Variants in STX8 observed in about 807,000 individuals in gnomAD.
STX8 encodes the protein syntaxin-8.
Under a neutral mutation model 37.5 loss-of-function variants are expected in STX8, and 23 were observed. The ratio of observed to expected loss-of-function variants is 0.61; its 90% CI spans 0.44 to 0.87. The LOEUF is 0.87. Ranked by LOEUF, STX8 falls within the 40% of genes least tolerant of loss-of-function variation. STX8 has a pLI of 0.00. For synonymous variants in STX8, 115 were observed against 99.1 expected, an observed-to-expected ratio of 1.16 and a Z score of -0.95; for missense variants, 313 against 284.7, an observed-to-expected ratio of 1.10 and a Z score of -0.71.
intron 6 of STX8, among the ~76,000 whole-genome samples, chr17:9,392,771 A>G (rs1241639101): frequency 6.6e-6 from 1 of 152,250 alleles, no homozygotes; most frequent in Non-Finnish European, 1.5e-5. Flanking sequence ...GATGGGATCA[A>G]TAGCAGAATG....
intron 5 of STX8, among the ~76,000 whole-genome samples, chr17:9,492,479 T>C (rs1702709790): frequency 6.6e-6 from 1 of 152,228 alleles, no homozygotes; most frequent in Admixed American, 6.5e-5. Flanking sequence ...TTCTCAAGTG[T>C]AGACTGTGCC....
chr17:9,511,931 G>A (rs763399346), intron 4 of STX8, among the ~76,000 whole-genome samples: 54 of 152,014 alleles, frequency 3.6e-4, no homozygotes, highest in Non-Finnish European at 7.1e-4. Context: ...TCAGTAAGTG[G>A]TGTTTCTATA....
In STX8 at chr17:9,357,054, G is replaced by A. The variant is rs576493381; in HGVS notation, c.643+21498C>T. Reference sequence around the variant, plus strand: ...ATGATCTCAACTCACTGCAACCTCCGCCTCCCAGGTTCAAGCAATTCTCCT... The same window carrying A: ...ATGATCTCAACTCACTGCAACCTCCACCTCCCAGGTTCAAGCAATTCTCCT... On this transcript the variant is annotated intron_variant, in intron 7 of 7. Transcript: ENST00000306357. Among the ~76,000 whole-genome samples, 4 of 126,630 alleles carry A rather than the reference G, an allele frequency of 3.2e-5. No homozygotes were observed. In the East Asian group the frequency reaches 1.1e-3, roughly 36 times the overall value. 83.1% of individuals were successfully genotyped at this position (126,630 alleles called of 152,430 possible).
intron 7 of STX8, among the ~76,000 whole-genome samples, chr17:9,358,284 G>A (rs1442146887): frequency 6.6e-6 from 1 of 152,134 alleles, no homozygotes; most frequent in Non-Finnish European, 1.5e-5. Context: ...TGATCCTCCT[G>A]ATAGCTTAGC....
chr17:9,404,188 C>T (rs1233415951), intron 6 of STX8, among the ~76,000 whole-genome samples: 1 of 151,882 alleles, frequency 6.6e-6, no homozygotes, highest in Non-Finnish European at 1.5e-5. Flanking sequence ...GTTATCTTCA[C>T]ATTGAGTAGG....
rs530553016 is a variant in STX8 at position 9,414,236 on chromosome 17, T to C, written c.542-35583A>G. On this transcript the variant is annotated intron_variant, in intron 6 of 7. Coordinates refer to ENST00000306357, the MANE Select transcript of STX8 (RefSeq NM_004853.3). ...GTGAAGGTAAGTGGTAGCTACAGAA[T>C]TTCCCTAAGAAAGGCACAGAGCATC... Among the ~76,000 whole-genome samples the C allele has an allele frequency of 1.5e-3, 228 of 150,932 alleles. 1 individual carries two copies. The highest frequency in any genetic ancestry group is 4.8e-3 in the African/African-American group (199 of 41,056).
chr17:9,526,153 T>C (rs1188926079), intron 4 of STX8, among the ~76,000 whole-genome samples: 5 of 137,172 alleles, frequency 3.6e-5, no homozygotes, highest in Non-Finnish European at 7.9e-5. Context: ...GGAATCATGG[T>C]AAGATTTCAA....
In STX8 at chr17:9,455,911, C is replaced by G. The variant is rs9903869; in HGVS notation, c.541+35918G>C. Reference sequence around the variant, plus strand: ...GCAACCAATAAGTCTAATTAGGATTCTGACCATTTCTCATATGCAAAGGCA... The same window carrying G: ...GCAACCAATAAGTCTAATTAGGATTGTGACCATTTCTCATATGCAAAGGCA... On this transcript the variant is annotated intron_variant, in intron 6 of 7. Transcript: ENST00000306357. Among the ~76,000 whole-genome samples the G allele has an allele frequency of 2.5e-4, 38 of 152,162 alleles. No homozygotes were observed. The East Asian group carries it at 7.2e-3, about 29-fold the overall frequency.
intron 7 of STX8, among the ~76,000 whole-genome samples, chr17:9,266,405 G>T (rs1907233697): frequency 6.6e-6 from 1 of 152,212 alleles, no homozygotes; most frequent in Non-Finnish European, 1.5e-5. Context: ...TCTATGCCCA[G>T]ATGAGAAGTG....
At chr17:9,300,596 G>A (rs893220769) in intron 7 of STX8, among the ~76,000 whole-genome samples, 2 of 151,956 alleles carry the variant, frequency 1.3e-5, no homozygotes, top group African/African-American at 4.8e-5. Flanking sequence ...ACCTGGTTAT[G>A]AGTGTTATAT....
At chr17:9,570,329 T>C (rs758882602) in intron 1 of STX8, among the ~76,000 whole-genome samples, 7 of 152,066 alleles carry the variant, frequency 4.6e-5, no homozygotes, top group Non-Finnish European at 8.8e-5. Flanking sequence ...AGCTTTACAC[T>C]GTAAACTTCA....
At chr17:9,317,479 C>A (rs1369485543) in intron 7 of STX8, among the ~76,000 whole-genome samples, 1 of 152,136 alleles carries the variant, frequency 6.6e-6, no homozygotes, top group Non-Finnish European at 1.5e-5. Flanking sequence ...AAAAGCAAGG[C>A]TGTTGGCCGG....
At chr17:9,412,318 T>C (rs1183379153) in intron 6 of STX8, among the ~76,000 whole-genome samples, 1 of 152,054 alleles carries the variant, frequency 6.6e-6, no homozygotes, top group East Asian at 1.9e-4. Context: ...TTGCTCTTGT[T>C]GCCCAGGCTG....
At chr17:9,458,429 G>A (rs943647545) in intron 6 of STX8, among the ~76,000 whole-genome samples, 24 of 152,180 alleles carry the variant, frequency 1.6e-4, no homozygotes, top group South Asian at 8.3e-4. Flanking sequence ...GATTACAGGC[G>A]TGAGCCACCG....
intron 4 of STX8, among the ~76,000 whole-genome samples, chr17:9,536,311 A>G (rs1906050737): frequency 6.6e-6 from 1 of 152,192 alleles, no homozygotes; most frequent in Non-Finnish European, 1.5e-5. Context: ...GACATCGAGT[A>G]TCGGGAGATG....
intron 6 of STX8, among the ~76,000 whole-genome samples, chr17:9,447,106 C>T (rs776238353): frequency 5.3e-5 from 8 of 152,096 alleles, no homozygotes; most frequent in Non-Finnish European, 8.8e-5. Context: ...TTCAGGAAAA[C>T]CAATTTATTG....
chr17:9,541,143 G>A (rs1906260128), intron 4 of STX8, among the ~76,000 whole-genome samples: 1 of 152,184 alleles, frequency 6.6e-6, no homozygotes, highest in Non-Finnish European at 1.5e-5. Flanking sequence ...TTCAATCCTA[G>A]GGTTTAAGGA....
At chr17:9,351,379 C>T (rs561268185) in intron 7 of STX8, among the ~76,000 whole-genome samples, 8 of 151,740 alleles carry the variant, frequency 5.3e-5, no homozygotes, top group Admixed American at 2.6e-4. Context: ...GACTGGTCTC[C>T]AACTCCTGAC....
chr17:9,352,619 C>T (rs1349231189), intron 7 of STX8, among the ~76,000 whole-genome samples: 1 of 151,906 alleles, frequency 6.6e-6, no homozygotes, highest in Admixed American at 6.6e-5. Flanking sequence ...CCTGCCTCAG[C>T]CTCCCGAGTA....
Sources: gnomAD v4.1 joint callset for allele counts (sites outside exome capture counted in the v4.1 genomes callset) on GRCh38, gnomAD v4.1.1 for gene constraint, MANE v1.5 for transcripts, NCBI Gene and HGNC (gene_info 2026-07-23, HGNC 2026-07-21) for gene names.